The following DPF3 variants were observed in gnomAD, a reference collection of about 807,000 sequenced individuals.
DPF3 encodes zinc finger protein DPF3.
A neutral mutation model predicts 56.8 loss-of-function variants in DPF3; 18 were observed. The observed-to-expected ratio is 0.32, with a 90% confidence interval of 0.22 to 0.47. The LOEUF (loss-of-function observed/expected upper bound fraction) is 0.47, where lower values mean the gene tolerates loss of function less well. Among genes scored for constraint, DPF3 ranks in the 20% least tolerant of loss-of-function variants. The pLI is 1.00. For missense variants in DPF3, 403 were observed against 488.8 expected, an observed-to-expected ratio of 0.82 and a Z score of 1.65; for synonymous variants, 188 against 180.2, an observed-to-expected ratio of 1.04 and a Z score of -0.35.
chr14:72,789,881 A>AG (rs1022595942), intron 1 of DPF3, among the ~76,000 whole-genome samples: 37 of 152,130 alleles, frequency 2.4e-4, no homozygotes, highest in African/African-American at 8.9e-4. Context: ...CTCCCTCCTC[A>AG]GGGGGCCTCC....
At chr14:72,779,068 C>T (rs1259183934) in intron 1 of DPF3, among the ~76,000 whole-genome samples, 3 of 152,166 alleles carry the variant, frequency 2.0e-5, no homozygotes, top group Non-Finnish European at 4.4e-5. Flanking sequence ...CTGATTTACC[C>T]GCAGTGTTCA....
intron 1 of DPF3, among the ~76,000 whole-genome samples, chr14:72,842,780 T>C (rs1884600420): frequency 6.6e-6 from 1 of 152,152 alleles, no homozygotes; most frequent in African/African-American, 2.4e-5. Context: ...TCCCAGCACT[T>C]TGGGAGGCCG....
intron 3 of DPF3, among the ~76,000 whole-genome samples, chr14:72,747,609 G>A (rs1890376426): frequency 1.4e-5 from 2 of 147,702 alleles, no homozygotes; most frequent in Admixed American, 6.9e-5. Context: ...GCAACATAGT[G>A]AGACCCCCGT....
At chr14:72,801,502 G>T (rs1350702796) in intron 1 of DPF3, among the ~76,000 whole-genome samples, 1 of 152,190 alleles carries the variant, frequency 6.6e-6, no homozygotes, top group East Asian at 1.9e-4. Context: ...CTTCACCATG[G>T]TTTATATGCT....
intron 3 of DPF3, among the ~76,000 whole-genome samples, chr14:72,746,256 C>A (rs78421380): frequency 6.6e-6 from 1 of 152,220 alleles, no homozygotes; most frequent in Non-Finnish European, 1.5e-5. Context: ...TCTTTGGCTG[C>A]GCTGTTTCTC....
intron 1 of DPF3, among the ~76,000 whole-genome samples, chr14:72,795,289 A>ATATATATATAGATATATATAT (rs1179925797): frequency 8.4e-6 from 1 of 119,296 alleles, no homozygotes; most frequent in Non-Finnish European, 1.9e-5. Context: ...AAAAAAAAAA[A>ATATATATATAGATATATATAT]AAAAAAATAT....
intron 1 of DPF3, among the ~76,000 whole-genome samples, chr14:72,818,570 C>A (rs918158809): frequency 6.6e-6 from 1 of 152,160 alleles, no homozygotes; most frequent in African/African-American, 2.4e-5. Flanking sequence ...CCAGCTACAT[C>A]GCAGGCTGAG....
intron 8 of DPF3, among the ~76,000 whole-genome samples, chr14:72,652,563 C>G (rs2153568648): frequency 6.6e-6 from 1 of 152,254 alleles, no homozygotes; most frequent in African/African-American, 2.4e-5. Context: ...CAGAGACTTC[C>G]TTTAGAGCCA....
chr14:72,804,575 G>T (rs769499048), intron 1 of DPF3, among the ~76,000 whole-genome samples: 1 of 152,174 alleles, frequency 6.6e-6, no homozygotes, highest in South Asian at 2.1e-4. Flanking sequence ...TCATGGAATT[G>T]ATAGAGTATT....
intron 8 of DPF3, among the ~76,000 whole-genome samples, chr14:72,654,916 A>C (rs1034038845): frequency 2.0e-5 from 3 of 152,208 alleles, no homozygotes; most frequent in African/African-American, 7.2e-5. Context: ...TCTATTTTTC[A>C]ATTACGGACA....
Position 72,691,691 on chromosome 14 carries a change from T to C in DPF3, c.742+1385A>G, listed in dbSNP as rs889070233. On this transcript the variant is annotated intron_variant, in intron 7 of 10. Coordinates refer to ENST00000556509, the MANE Select transcript of DPF3 (RefSeq NM_001280542.3). ...GCAGTGAGCCAAGATCACGCCACTGTACTCCAGCCTGGCGACAGAGAAAGA... is the reference window on the plus strand; with the variant it reads ...GCAGTGAGCCAAGATCACGCCACTGCACTCCAGCCTGGCGACAGAGAAAGA... Among the ~76,000 whole-genome samples, 4 of 151,106 alleles carry C rather than the reference T, an allele frequency of 2.6e-5. No homozygotes were observed. In the South Asian group the frequency reaches 8.4e-4, roughly 32 times the overall value.
chr14:72,849,152 A>C (rs1335350822), intron 1 of DPF3, among the ~76,000 whole-genome samples: 1 of 152,050 alleles, frequency 6.6e-6, no homozygotes, highest in Non-Finnish European at 1.5e-5. Flanking sequence ...CCAATCTGCC[A>C]CTCTGCTTCT....
chr14:72,876,185 G>C (rs1324365563), intron 1 of DPF3, among the ~76,000 whole-genome samples: 3 of 152,226 alleles, frequency 2.0e-5, no homozygotes, highest in Non-Finnish European at 4.4e-5. Flanking sequence ...CCTTGCAGCT[G>C]GACAGAGCTG....
chr14:72,840,530 TACAC>T (rs372891838), intron 1 of DPF3, among the ~76,000 whole-genome samples: 1 of 151,946 alleles, frequency 6.6e-6, no homozygotes, highest in Non-Finnish European at 1.5e-5. Context: ...CATGTAATTT[TACAC>T]ACACACACAC....
intron 6 of DPF3, among the ~76,000 whole-genome samples, chr14:72,698,806 T>C (rs1354735685): frequency 6.6e-6 from 1 of 152,242 alleles, no homozygotes. Context: ...GACATAGCAC[T>C]ACCATAAGTG....
At chr14:72,771,918 G>A in intron 1 of DPF3, 25 bp from the exon 2 acceptor site, 1 of 1,536,506 alleles carries the variant, frequency 6.5e-7, no homozygotes, top group Non-Finnish European at 8.7e-7. Context: ...GAGTGAAGGG[G>A]TGAGGCCAGG....
intron 8 of DPF3, among the ~76,000 whole-genome samples, chr14:72,672,343 G>A (rs982746302): frequency 6.6e-6 from 1 of 152,134 alleles, no homozygotes; most frequent in Non-Finnish European, 1.5e-5. Flanking sequence ...CAGTGGTAGG[G>A]TAGATGGGAG....
intron 4 of DPF3, among the ~76,000 whole-genome samples, chr14:72,730,523 G>A (rs1889596988): frequency 6.6e-6 from 1 of 152,122 alleles, no homozygotes; most frequent in Non-Finnish European, 1.5e-5. Context: ...CCCAGCTTGG[G>A]AAAGGCCCCG....
At chr14:72,730,407 G>A (rs1286942216) in intron 4 of DPF3, among the ~76,000 whole-genome samples, 2 of 152,144 alleles carry the variant, frequency 1.3e-5, no homozygotes, top group African/African-American at 2.4e-5. Flanking sequence ...GCCATGTTGT[G>A]GCAACTCAAT....
Sources: allele counts gnomAD v4.1 joint callset (sites outside exome capture counted in the v4.1 genomes callset), GRCh38; gene constraint gnomAD v4.1.1; transcripts MANE v1.5; gene names NCBI Gene and HGNC (gene_info 2026-07-23, HGNC 2026-07-21).